The following WNK2 variants were observed in gnomAD, a reference collection of about 807,000 sequenced individuals.
WNK2 encodes the protein WNK lysine deficient protein kinase 2, also known as serine/threonine-protein kinase WNK2.
In WNK2, 67 loss-of-function variants were observed where a neutral mutation model predicts 192.1. The ratio of observed to expected loss-of-function variants is 0.35; its 90% CI spans 0.29 to 0.43. The LOEUF (loss-of-function observed/expected upper bound fraction) is 0.43, where lower values mean the gene tolerates loss of function less well. WNK2 is among the 20% of genes least tolerant of loss of function. WNK2 has a pLI of 1.00. For synonymous variants in WNK2, 1,439 were observed against 1,393.9 expected (o/e 1.03, Z -0.72); for missense variants, 2,698 against 3,089.7 (o/e 0.87, Z 3.01).
At chr9:93,305,620 G>T (rs1158405749) in intron 26 of WNK2, among the ~76,000 whole-genome samples, 1 of 152,220 alleles carries the variant, frequency 6.6e-6, no homozygotes, top group Non-Finnish European at 1.5e-5. Flanking sequence ...CCAAGTCCAG[G>T]ATGCACAACT....
intron 2 of WNK2, among the ~76,000 whole-genome samples, chr9:93,224,313 A>T (rs1441524162): frequency 6.6e-6 from 1 of 152,136 alleles, no homozygotes; most frequent in Admixed American, 6.5e-5. Context: ...GACATCTCCA[A>T]CCGTTGCCCA....
At chr9:93,267,656 G>A in intron 16 of WNK2, 90 bp from the exon 17 acceptor site, 1 of 1,412,260 alleles carries the variant, frequency 7.1e-7, no homozygotes, top group African/African-American at 1.4e-5. Context: ...TTGGGGCCTG[G>A]TACAGGGTAG....
At chr9:93,186,691 TCCGGCC>T (rs1381539715) in intron 2 of WNK2, among the ~76,000 whole-genome samples, 1 of 152,198 alleles carries the variant, frequency 6.6e-6, no homozygotes, top group Non-Finnish European at 1.5e-5. Context: ...TGCTATATCC[TCCGGCC>T]CCGACAGGGT....
chr9:93,190,272 G>A (rs7856802), intron 2 of WNK2, among the ~76,000 whole-genome samples: 69,886 of 152,048 alleles, frequency 0.46, 17,193 homozygotes, highest in East Asian at 0.55. Flanking sequence ...TGGTGGTGGC[G>A]AGGTGTGTGT....
intron 7 of WNK2, among the ~76,000 whole-genome samples, chr9:93,241,114 G>A (rs1840683787): frequency 6.6e-6 from 1 of 152,268 alleles, no homozygotes; most frequent in African/African-American, 2.4e-5. Context: ...GGGCCCCAGG[G>A]CCAACACTGC....
At position 93,308,459 on chromosome 9, in the gene WNK2, G is replaced by A. The variant is rs1853016780; in HGVS notation, c.6391G>A (p.Glu2131Lys). 7 of 1,610,566 alleles carry A rather than the reference G, an allele frequency of 4.3e-6. No homozygotes were observed. Among genetic ancestry groups the A allele is most frequent in the East Asian group, 2.2e-5 (1 of 44,730 alleles). Residue 2131 changes from glutamate to lysine, a missense_variant, in exon 28 of 30, where the codon GAG (glutamate) becomes AAG (lysine). By Grantham distance (56) the Glu-to-Lys change is moderately conservative (BLOSUM62 1). Coordinates refer to ENST00000427277, the MANE Select transcript of WNK2 (RefSeq NM_006648.4). Reference sequence around the variant, plus strand: ...GGACGACCTGCACAAGCTGGTGGACGAGTGGACGAGCAAGACGGTGGGGGC... The same window carrying A: ...GGACGACCTGCACAAGCTGGTGGACAAGTGGACGAGCAAGACGGTGGGGGC... ...FTDDLHKLVDEWTSKTVGAAQ... is the reference protein window; with the variant it reads ...FTDDLHKLVDKWTSKTVGAAQ...
Position 93,292,315 on chromosome 9 carries a change from G to A in WNK2, c.4944G>A (p.Ser1648=), listed in dbSNP as rs55944139. Residue 1648 remains serine, a synonymous_variant, in exon 22 of 30, where the codon TCG becomes TCA. Coordinates refer to ENST00000427277, the MANE Select transcript of WNK2 (RefSeq NM_006648.4). ...TTTCTGATGTTCCCATAGCAGAGTC[G>A]TCTCCCAGGAGTATGCTAGGCTATG... ...QGTSSSMTAE[S]SPRSMLGYDR... The A allele has an allele frequency of 1.6e-3, 2,516 of 1,613,816 alleles. 39 individuals carry two copies. The African/African-American group carries it at 0.03, about 19-fold the overall frequency.
intron 2 of WNK2, among the ~76,000 whole-genome samples, chr9:93,192,995 G>A (rs1830602221): frequency 6.6e-6 from 1 of 152,208 alleles, no homozygotes; most frequent in African/African-American, 2.4e-5. Context: ...TGATGGCATG[G>A]AGCTTTAGGT....
At chr9:93,313,753 G>A (rs1328038025) in intron 28 of WNK2, among the ~76,000 whole-genome samples, 3 of 152,136 alleles carry the variant, frequency 2.0e-5, no homozygotes, top group Non-Finnish European at 4.4e-5. Context: ...TTATTGATTT[G>A]TGGGAGTTCA....
chr9:93,243,469 G>T (rs771295098), intron 7 of WNK2, among the ~76,000 whole-genome samples: 1 of 152,134 alleles, frequency 6.6e-6, no homozygotes, highest in Non-Finnish European at 1.5e-5. Context: ...CTTCACCCCC[G>T]CTTCTGCATC....
chr9:93,304,817 G>T (rs759388325), intron 26 of WNK2, among the ~76,000 whole-genome samples: 1 of 152,222 alleles, frequency 6.6e-6, no homozygotes, highest in Non-Finnish European at 1.5e-5. Context: ...AGTGGCGTCC[G>T]ACAGCATGGC....
At chr9:93,300,378 T>C in intron 26 of WNK2, 1 of 399,680 alleles carries the variant, frequency 2.5e-6, no homozygotes, top group Non-Finnish European at 4.5e-6. Context: ...TCATGGCTGG[T>C]GCCTGGGCAC....
chr9:93,234,004 A>G (rs2132121375), intron 4 of WNK2, among the ~76,000 whole-genome samples: 1 of 152,354 alleles, frequency 6.6e-6, no homozygotes, highest in South Asian at 2.1e-4. Flanking sequence ...CCAGACCAAT[A>G]TAAGTAAAAT....
chr9:93,185,622 C>G lies in WNK2; in HGVS notation c.681+12C>G. 6.2e-7 allele frequency: 1 copy of G among 1,603,698 alleles called. No individual in the cohort carries two copies. Among genetic ancestry groups the G allele is most frequent in the Non-Finnish European group, 8.5e-7 (1 of 1,175,418 alleles). On this transcript the variant is annotated intron_variant, in intron 2 of 29. Transcript: ENST00000427277. ...GGTGTGAGCTGCAGGTGAGGGTGCCCCAGCCCGCAGGGGGCTTTCCGCAGG... is the reference window on the plus strand; with the variant it reads ...GGTGTGAGCTGCAGGTGAGGGTGCCGCAGCCCGCAGGGGGCTTTCCGCAGG...
intron 23 of WNK2, among the ~76,000 whole-genome samples, chr9:93,294,437 A>T (rs1021313850): frequency 1.6e-4 from 25 of 152,150 alleles, no homozygotes; most frequent in African/African-American, 5.6e-4. Flanking sequence ...GAGTGGATGG[A>T]GCCCAAGGTG....
At chr9:93,187,976 G>A (rs931184415) in intron 2 of WNK2, among the ~76,000 whole-genome samples, 1 of 152,134 alleles carries the variant, frequency 6.6e-6, no homozygotes, top group African/African-American at 2.4e-5. Context: ...CTCTAGGTGT[G>A]TTGGCTTTGT....
chr9:93,298,980 C>T (rs1185226864), intron 24 of WNK2, 90 bp from the exon 25 acceptor site: 3 of 1,372,016 alleles, frequency 2.2e-6, no homozygotes, highest in African/African-American at 1.5e-5. Context: ...CAAGGTCACC[C>T]AGCAATAAGC....
Position 93,306,690 on chromosome 9 carries a change from C to T in WNK2, c.6215-87C>T, listed in dbSNP as rs549060146. 1.6e-5 allele frequency: 24 copies of T among 1,539,828 alleles called. No homozygotes were observed. The African/African-American group carries it at 2.3e-4, about 15-fold the overall frequency. On this transcript the variant is annotated intron_variant, in intron 26 of 29. Coordinates refer to ENST00000427277, the MANE Select transcript of WNK2 (RefSeq NM_006648.4). The stretch of plus-strand genomic sequence containing the variant: ...GTGTCTGCCCCTCCCTGCACACTGA[C>T]GACTTTTGCTTAGTGTGGTAGCGTG...
At chr9:93,288,548 G>A (rs1848797604) in intron 19 of WNK2, among the ~76,000 whole-genome samples, 1 of 152,172 alleles carries the variant, frequency 6.6e-6, no homozygotes, top group Non-Finnish European at 1.5e-5. Context: ...GACACTATGG[G>A]AACAGGGACC....
Sources: allele counts gnomAD v4.1 joint callset (sites outside exome capture counted in the v4.1 genomes callset), GRCh38; gene constraint gnomAD v4.1.1; transcripts MANE v1.5; gene names NCBI Gene and HGNC (gene_info 2026-07-23, HGNC 2026-07-21).